Variants in DUSP22 observed in about 807,000 individuals in gnomAD.
The protein encoded by DUSP22 is dual specificity phosphatase 22.
In DUSP22, 24 loss-of-function variants were observed where a neutral mutation model predicts 24.5. The ratio of observed to expected loss-of-function variants is 0.98; its 90% confidence interval spans 0.71 to 1.38. The LOEUF (loss-of-function observed/expected upper bound fraction) is 1.38. DUSP22 is among the 40% of genes most tolerant of loss of function. DUSP22 has a pLI of 0.00. For synonymous variants in DUSP22, 160 were observed against 106.4 expected, an observed-to-expected ratio of 1.50 and a Z score of -3.10; for missense variants, 330 against 269.2, an observed-to-expected ratio of 1.23 and a Z score of -1.58.
chr6:341,551 G>A (rs879905216), intron 4 of DUSP22, among the ~76,000 whole-genome samples: 3 of 152,300 alleles, frequency 2.0e-5, no homozygotes, highest in Admixed American at 1.3e-4. Flanking sequence ...GGCATTTCTA[G>A]GAATATCTCT....
In DUSP22 at chr6:350,857, A is replaced by T. The variant is rs1487710084; in HGVS notation, c.*1906A>T. 1.2e-6 allele frequency: 2 copies of T among 1,614,278 alleles called. No individual in the cohort carries two copies. The highest frequency in any genetic ancestry group is 1.7e-6 in the Non-Finnish European group (2 of 1,180,026). ...AATTCTGAAGTTCTGGGCCTTTCTC[A>T]GAAGACTGTAATGTACCTGAAGTTT... On this transcript the variant is annotated 3_prime_UTR_variant, in exon 7 of 7. Transcript: ENST00000419235.
At chr6:318,907 T>A (rs527410104) in intron 3 of DUSP22, among the ~76,000 whole-genome samples, 1,063 of 151,980 alleles carry the variant, frequency 7.0e-3, no homozygotes, top group African/African-American at 0.024. Context: ...TTCACAGGGT[T>A]AAGTCCACTG....
Position 348,765 on chromosome 6 carries a change from C to G in DUSP22, c.436-4C>G. On this transcript the variant is annotated splice_polypyrimidine_tract_variant and splice_region_variant and intron_variant, in intron 6 of 6. Transcript: ENST00000419235. ...CGTTTCGGGTTTGTTTCCATCCTCT[C>G]CAGTATCGGCAGTGGCTGAAGGAAG... 6.2e-7 allele frequency: 1 copy of G among 1,614,286 alleles called. No individual in the cohort carries two copies. Among genetic ancestry groups the G allele is most frequent in the Non-Finnish European group, 8.5e-7 (1 of 1,180,054 alleles).
intron 3 of DUSP22, among the ~76,000 whole-genome samples, chr6:332,261 C>T (rs964902227): frequency 1.4e-4 from 21 of 152,420 alleles, no homozygotes; most frequent in Middle Eastern, 3.4e-3. Flanking sequence ...AGCAGGTGGT[C>T]CCCAAATTGT....
chr6:331,380 G>T (rs1478880349), intron 3 of DUSP22, among the ~76,000 whole-genome samples: 38 of 152,280 alleles, frequency 2.5e-4, no homozygotes, highest in African/African-American at 9.2e-4. Context: ...AAACATTGCT[G>T]TTATCTTCAT....
chr6:305,273 C>G (rs1454839578), intron 2 of DUSP22, among the ~76,000 whole-genome samples: 1 of 152,302 alleles, frequency 6.6e-6, no homozygotes, highest in Admixed American at 6.5e-5. Context: ...TTGACCATCA[C>G]CTGATGGAGT....
At chr6:337,479 G>A (rs1229651494) in intron 4 of DUSP22, among the ~76,000 whole-genome samples, 2 of 152,300 alleles carry the variant, frequency 1.3e-5, no homozygotes, top group Non-Finnish European at 2.9e-5. Context: ...TTACTTGAGA[G>A]ACCTGCTGAC....
chr6:297,177 G>A (rs1757373474), intron 1 of DUSP22, among the ~76,000 whole-genome samples: 2 of 152,302 alleles, frequency 1.3e-5, no homozygotes, highest in Admixed American at 1.3e-4. Flanking sequence ...TTTCCTTCCT[G>A]GATTCATAGA....
chr6:323,608 G>T (rs566001564), intron 3 of DUSP22, among the ~76,000 whole-genome samples: 1 of 152,306 alleles, frequency 6.6e-6, no homozygotes, highest in Non-Finnish European at 1.5e-5. Context: ...AGGAGAGGAC[G>T]CGGGGAAGTG....
Position 345,900 on chromosome 6 carries a change from C to G in DUSP22, c.235C>G (p.Leu79Val). ...ESIKFIHECRLRGESCLVHCL... is the reference protein window; with the variant it reads ...ESIKFIHECRVRGESCLVHCL... Reference sequence around the variant, plus strand: ...TATTAAATTCATTCACGAGTGCCGGCTCCGCGGTGAGAGCTGCCTTGTACA... The same window carrying G: ...TATTAAATTCATTCACGAGTGCCGGGTCCGCGGTGAGAGCTGCCTTGTACA... Residue 79 changes from leucine to valine, a missense_variant, in exon 5 of 7, where the codon CTC (leucine) becomes GTC (valine). Physicochemically the swap from Leu to Val is conservative, Grantham distance 32 (BLOSUM62 1). Transcript: ENST00000419235. 3.1e-6 allele frequency: 5 copies of G among 1,614,284 alleles called. No individual in the cohort carries two copies. Among genetic ancestry groups the G allele is most frequent in the Non-Finnish European group, 4.2e-6 (5 of 1,180,032 alleles).
intron 1 of DUSP22, among the ~76,000 whole-genome samples, chr6:296,520 G>A (rs1466872088): frequency 6.6e-6 from 1 of 152,302 alleles, no homozygotes; most frequent in Non-Finnish European, 1.5e-5. Context: ...AACTAAACAG[G>A]GTGTTGCATG....
intron 1 of DUSP22, among the ~76,000 whole-genome samples, chr6:301,254 A>G (rs550174353): frequency 8.7e-6 from 1 of 115,356 alleles, no homozygotes; most frequent in Non-Finnish European, 1.7e-5. Flanking sequence ...GAGCATACCC[A>G]AGGGATAAAG....
Position 300,085 on chromosome 6 carries a change from A to G in DUSP22, c.22-4543A>G, listed in dbSNP as rs1581142994. Among the ~76,000 whole-genome samples, 3 of 152,424 alleles carry G rather than the reference A, an allele frequency of 2.0e-5. No individual in the cohort carries two copies. The South Asian group carries it at 6.2e-4, about 32-fold the overall frequency. ...GACTGGAGGTCCATGGGCCCTGGTC[A>G]GCCCACAGATGGGTTTAGTTTGTCA... On this transcript the variant is annotated intron_variant, in intron 1 of 6. Transcript: ENST00000419235.
Position 304,592 on chromosome 6 carries a change from C to T in DUSP22, c.22-36C>T, listed in dbSNP as rs773158137. On this transcript the variant is annotated intron_variant, in intron 1 of 6. Transcript: ENST00000419235. ...TTCTGCAATACCATCCACTTAGAGT[C>T]TGCCATGCTCATGTCTGTGTCTGTC... 3.1e-6 allele frequency: 5 copies of T among 1,614,058 alleles called. No individual in the cohort carries two copies. In the South Asian group the frequency reaches 3.3e-5, roughly 11 times the overall value.
chr6:332,423 G>T (rs532136368), intron 3 of DUSP22, among the ~76,000 whole-genome samples: 2 of 152,302 alleles, frequency 1.3e-5, no homozygotes, highest in Non-Finnish European at 2.9e-5. Context: ...AGCCTTTGCC[G>T]TCTTCCTGTG....
intron 3 of DUSP22, among the ~76,000 whole-genome samples, chr6:324,808 C>T (rs1417198839): frequency 1.7e-4 from 26 of 152,288 alleles, no homozygotes; most frequent in African/African-American, 2.7e-4. Context: ...TGAAGACAAG[C>T]GGCAGTCTAC....
intron 3 of DUSP22, among the ~76,000 whole-genome samples, chr6:323,629 C>T (rs768814670): frequency 2.0e-4 from 30 of 152,280 alleles, no homozygotes; most frequent in Non-Finnish European, 2.9e-4. Flanking sequence ...GCTCTTAGGG[C>T]GTCCCTTTGC....
intron 1 of DUSP22, among the ~76,000 whole-genome samples, chr6:296,701 C>G (rs550213162): frequency 6.6e-6 from 1 of 152,414 alleles, no homozygotes; most frequent in Non-Finnish European, 1.5e-5. Context: ...AAACAAACGA[C>G]TAGTCTCTAG....
chr6:337,481 C>A (rs1263145873), intron 4 of DUSP22, among the ~76,000 whole-genome samples: 3 of 152,310 alleles, frequency 2.0e-5, no homozygotes, highest in African/African-American at 7.2e-5. Context: ...ACTTGAGAGA[C>A]CTGCTGACAT....
Sources: allele counts gnomAD v4.1 joint callset (sites outside exome capture counted in the v4.1 genomes callset), GRCh38; gene constraint gnomAD v4.1.1; transcripts MANE v1.5; gene names NCBI Gene and HGNC (gene_info 2026-07-23, HGNC 2026-07-21).